The following MRPL13 variants were observed in gnomAD, a reference collection of about 807,000 sequenced individuals.
The protein encoded by MRPL13 is large ribosomal subunit protein uL13m.
Under a neutral mutation model 29.0 loss-of-function variants are expected in MRPL13, and 33 were observed. That is an observed-to-expected ratio of 1.14 (90% CI 0.86 to 1.52). The LOEUF is 1.52. Ranked by LOEUF, MRPL13 falls within the 40% of genes most tolerant of loss-of-function variation. The pLI, the probability that MRPL13 is intolerant of heterozygous loss-of-function variation, is 0.00. For missense variants in MRPL13, 227 were observed against 216.7 expected, an observed-to-expected ratio of 1.05 and a Z score of -0.30; for synonymous variants, 77 against 68.4, an observed-to-expected ratio of 1.13 and a Z score of -0.62.
intron 2 of MRPL13, among the ~76,000 whole-genome samples, chr8:120,438,465 T>A (rs536318469): frequency 6.6e-6 from 1 of 152,212 alleles, no homozygotes; most frequent in Non-Finnish European, 1.5e-5. Context: ...TTCATCCATA[T>A]CTAAGGTATG....
chr8:120,428,033 A>C (rs1410935187), intron 3 of MRPL13, among the ~76,000 whole-genome samples: 1 of 151,672 alleles, frequency 6.6e-6, no homozygotes, highest in Non-Finnish European at 1.5e-5. Context: ...AGCCAAGGCG[A>C]TCCTAAACAA....
At chr8:120,409,352 A>G (rs1293879854) in intron 6 of MRPL13, among the ~76,000 whole-genome samples, 2 of 152,222 alleles carry the variant, frequency 1.3e-5, no homozygotes, top group East Asian at 3.8e-4. Flanking sequence ...AAAGTTTAAA[A>G]TGATCCAAGT....
intron 2 of MRPL13, among the ~76,000 whole-genome samples, chr8:120,442,225 A>G (rs1813132566): frequency 6.6e-6 from 1 of 152,220 alleles, no homozygotes; most frequent in Non-Finnish European, 1.5e-5. Flanking sequence ...GTTATTGAAG[A>G]TGAGGAGTAA....
intron 6 of MRPL13, among the ~76,000 whole-genome samples, chr8:120,397,089 G>A (rs760067215): frequency 7.2e-5 from 11 of 152,134 alleles, no homozygotes; most frequent in African/African-American, 1.2e-4. Context: ...TCCCAGCCAC[G>A]GGAAGCAGTG....
At chr8:120,398,246 A>C (rs893291602) in intron 6 of MRPL13, among the ~76,000 whole-genome samples, 6 of 152,162 alleles carry the variant, frequency 3.9e-5, no homozygotes, top group Non-Finnish European at 5.9e-5. Context: ...CTGGGCTGGC[A>C]ACAGGTCAGT....
intron 6 of MRPL13, among the ~76,000 whole-genome samples, chr8:120,405,376 A>G (rs377715536): frequency 6.6e-6 from 1 of 152,238 alleles, no homozygotes; most frequent in East Asian, 1.9e-4. Flanking sequence ...GTGTTTCTCA[A>G]ACTTCAGCAG....
chr8:120,415,449 T>C (rs1233537264), intron 5 of MRPL13: 1 of 150,582 alleles, frequency 6.6e-6, no homozygotes, highest in East Asian at 1.9e-4. Context: ...TTAAGACATG[T>C]TGTCTTAAGA....
intron 6 of MRPL13, among the ~76,000 whole-genome samples, chr8:120,413,633 T>C (rs1455009957): frequency 6.6e-6 from 1 of 152,208 alleles, no homozygotes. Context: ...TTAATGACTT[T>C]TCATTAGATA....
chr8:120,429,884 G>A (rs1812978728), intron 3 of MRPL13, among the ~76,000 whole-genome samples: 1 of 151,610 alleles, frequency 6.6e-6, no homozygotes. Flanking sequence ...TAAATGCTAT[G>A]TAAATAGTTG....
At chr8:120,397,746 G>A (rs769480919) in intron 6 of MRPL13, among the ~76,000 whole-genome samples, 7 of 152,082 alleles carry the variant, frequency 4.6e-5, no homozygotes, top group South Asian at 2.1e-4. Flanking sequence ...GGGGAGAGAC[G>A]GCCCCTGTTT....
At chr8:120,419,239 T>G (rs1812840913) in intron 5 of MRPL13, among the ~76,000 whole-genome samples, 1 of 152,000 alleles carries the variant, frequency 6.6e-6, no homozygotes, top group Admixed American at 6.6e-5. Context: ...GGGCACAGAT[T>G]CAAAGCCAGG....
chr8:120,428,967 C>A (rs1812965427), intron 3 of MRPL13, among the ~76,000 whole-genome samples: 1 of 152,066 alleles, frequency 6.6e-6, no homozygotes, highest in Non-Finnish European at 1.5e-5. Context: ...GACAGAAATA[C>A]CATTTGACCC....
At chr8:120,419,789 A>G in intron 5 of MRPL13, 63 bp downstream of exon 5, 1 of 1,256,414 alleles carries the variant, frequency 8.0e-7, no homozygotes, top group Non-Finnish European at 1.1e-6. Context: ...TTATTTAAAA[A>G]GAAAATGAAA....
chr8:120,420,477 A>T (rs934436529), intron 4 of MRPL13, among the ~76,000 whole-genome samples: 1 of 147,590 alleles, frequency 6.8e-6, no homozygotes, highest in East Asian at 1.9e-4. Flanking sequence ...AACATATATA[A>T]ATATATATAA....
chr8:120,424,048 C>T (rs1812904007), intron 4 of MRPL13, among the ~76,000 whole-genome samples: 1 of 152,048 alleles, frequency 6.6e-6, no homozygotes, highest in South Asian at 2.1e-4. Flanking sequence ...AAAAAAAAAT[C>T]TAGTTACATG....
chr8:120,402,176 A>G (rs1443669117), intron 6 of MRPL13, among the ~76,000 whole-genome samples: 1 of 152,228 alleles, frequency 6.6e-6, no homozygotes, highest in Non-Finnish European at 1.5e-5. Flanking sequence ...GAACCAATAA[A>G]GAGCCCAAAT....
chr8:120,429,654 C>A (rs1386349772), intron 3 of MRPL13, among the ~76,000 whole-genome samples: 1 of 152,082 alleles, frequency 6.6e-6, no homozygotes, highest in Non-Finnish European at 1.5e-5. Context: ...CAAAAAGGTT[C>A]TCTGAGAATT....
intron 4 of MRPL13, among the ~76,000 whole-genome samples, chr8:120,421,424 T>G (rs1812873201): frequency 6.6e-6 from 1 of 151,870 alleles, no homozygotes; most frequent in Non-Finnish European, 1.5e-5. Context: ...ACAAATAGTA[T>G]TCCAATACTG....
At chr8:120,435,066 TGA>T (rs1813038100) in intron 2 of MRPL13, among the ~76,000 whole-genome samples, 1 of 152,200 alleles carries the variant, frequency 6.6e-6, no homozygotes, top group Admixed American at 6.5e-5. Flanking sequence ...TTCAGCTTGC[TGA>T]GAGTCTCCAG....
Sources: allele counts gnomAD v4.1 joint callset (sites outside exome capture counted in the v4.1 genomes callset), GRCh38; gene constraint gnomAD v4.1.1; transcripts MANE v1.5; gene names NCBI Gene and HGNC (gene_info 2026-07-23, HGNC 2026-07-21).